The following USP13 variants were observed in gnomAD, a reference collection of about 807,000 sequenced individuals.
USP13 encodes ubiquitin specific peptidase 13, also known as ubiquitin carboxyl-terminal hydrolase 13.
A neutral mutation model predicts 107.8 loss-of-function variants in USP13; 68 were observed. The observed-to-expected ratio is 0.63, with a 90% CI of 0.52 to 0.77. USP13 has a LOEUF of 0.77. Among genes scored for constraint, USP13 ranks in the 30% least tolerant of loss-of-function variants. USP13 has a pLI of 0.00. For synonymous variants in USP13, 377 were observed against 389.5 expected (o/e 0.97, Z 0.38); for missense variants, 945 against 1,093.3 (o/e 0.86, Z 1.91).
chr3:179,763,083 A>G (rs1252549950), intron 17 of USP13, among the ~76,000 whole-genome samples: 2 of 152,144 alleles, frequency 1.3e-5, no homozygotes, highest in Non-Finnish European at 2.9e-5. Context: ...TTATCCTTTT[A>G]TTATTGAGTT....
intron 3 of USP13, among the ~76,000 whole-genome samples, chr3:179,693,312 T>C (rs946294733): frequency 6.6e-6 from 1 of 151,590 alleles, no homozygotes. Context: ...CCACACATGG[T>C]TAATTAAAAA....
rs1057049035 is a variant in USP13, at chr3:179,783,854, G to A, written c.2499-194G>A. On this transcript the variant is annotated intron_variant, in intron 20 of 20. Transcript: ENST00000263966. ...AGCCTGGGGAATAGAATGAGGCCTTGTCTCTTAAAAAAAAAAAAAAAAAGC... is the reference window on the plus strand; with the variant it reads ...AGCCTGGGGAATAGAATGAGGCCTTATCTCTTAAAAAAAAAAAAAAAAAGC... Among the ~76,000 whole-genome samples the A allele has an allele frequency of 1.3e-4, 17 of 131,848 alleles. 1 individual carries two copies. Among genetic ancestry groups the A allele is most frequent in the Admixed American group, 4.5e-4 (6 of 13,402 alleles). 86.5% of individuals were successfully genotyped at this position (131,848 alleles called of 152,430 possible).
chr3:179,763,152 TC>T (rs201077527), intron 17 of USP13, among the ~76,000 whole-genome samples: 17 of 152,172 alleles, frequency 1.1e-4, no homozygotes, highest in South Asian at 2.1e-4. Context: ...ATTTGTGTTT[TC>T]CCCCCCATTC....
In USP13 at chr3:179,653,154, C is replaced by T; in HGVS notation, c.-72C>T. On this transcript the variant is annotated 5_prime_UTR_variant, in exon 1 of 21. Transcript: ENST00000263966. The surrounding 1 kb of genome is among the most constrained non-coding windows in gnomAD (Gnocchi z 4.0). ...GCCCGCCCGTCAGCCCGCTCGCTGGCGCCGCCGCCGCCGGCAGACCCCGCG... is the reference window on the plus strand; with the variant it reads ...GCCCGCCCGTCAGCCCGCTCGCTGGTGCCGCCGCCGCCGGCAGACCCCGCG... 2 of 1,055,920 alleles carry T rather than the reference C, an allele frequency of 1.9e-6. No homozygotes were observed. Among genetic ancestry groups the T allele is most frequent in the Non-Finnish European group, 1.1e-6 (1 of 876,154 alleles). 65.4% of individuals were successfully genotyped at this position (1,055,920 alleles called of 1,614,324 possible).
At chr3:179,663,800 G>A (rs1459721012) in intron 1 of USP13, among the ~76,000 whole-genome samples, 2 of 152,146 alleles carry the variant, frequency 1.3e-5, no homozygotes, top group African/African-American at 4.8e-5. Context: ...GGTGCTCCAT[G>A]CTCTTGCCCC....
chr3:179,761,567 C>CA (rs1715014554), intron 17 of USP13, among the ~76,000 whole-genome samples: 1 of 152,070 alleles, frequency 6.6e-6, no homozygotes, highest in South Asian at 2.1e-4. Context: ...ACTAAAGATA[C>CA]AAAAATTAGC....
chr3:179,674,837 T>G (rs969578597), intron 1 of USP13, among the ~76,000 whole-genome samples: 47 of 152,144 alleles, frequency 3.1e-4, no homozygotes, highest in African/African-American at 1.1e-3. Flanking sequence ...ATATGCCTAC[T>G]TAAGGGGGTT....
At chr3:179,741,422 T>C (rs886126238) in intron 11 of USP13, among the ~76,000 whole-genome samples, 2 of 152,210 alleles carry the variant, frequency 1.3e-5, no homozygotes, top group Non-Finnish European at 2.9e-5. Flanking sequence ...CATGATCTTT[T>C]CTAACTCTGT....
intron 14 of USP13, among the ~76,000 whole-genome samples, chr3:179,752,858 G>A (rs1003477378): frequency 8.5e-5 from 13 of 152,334 alleles, no homozygotes; most frequent in Admixed American, 2.6e-4. Flanking sequence ...TGAGCAGGCA[G>A]GTGTGGCTAA....
In USP13 at chr3:179,653,479, G is replaced by A. The variant is rs1720150564; in HGVS notation, c.168+86G>A. ...GGGAGAAGATGCGCAGTGGCGGCCG[G>A]GACCTCTTCTCTTCCTCCGGGCGGC... On this transcript the variant is annotated intron_variant, in intron 1 of 20. Transcript: ENST00000263966. This position sits in a 1 kb window ranked among gnomAD's most constrained non-coding sequence, Gnocchi z 4.0. 3 of 1,487,908 alleles carry A rather than the reference G, an allele frequency of 2.0e-6. No homozygotes were observed. In the African/African-American group the frequency reaches 4.2e-5, roughly 21 times the overall value. 92.2% of individuals were successfully genotyped at this position (1,487,908 alleles called of 1,614,324 possible).
chr3:179,730,056 A>G, intron 8 of USP13, 133 bp from the exon 9 acceptor site: 2 of 768,430 alleles, frequency 2.6e-6, no homozygotes, highest in South Asian at 1.8e-5. Flanking sequence ...GAATCTCATG[A>G]AAAACTTTTC....
chr3:179,665,980 G>T (rs115565973), intron 1 of USP13, among the ~76,000 whole-genome samples: 2 of 152,174 alleles, frequency 1.3e-5, no homozygotes, highest in African/African-American at 4.8e-5. Context: ...AGTTACTGGC[G>T]TGGACAACTG....
At chr3:179,756,409 CAAA>C (rs922916134) in intron 15 of USP13, among the ~76,000 whole-genome samples, 1 of 115,070 alleles carries the variant, frequency 8.7e-6, no homozygotes, top group Non-Finnish European at 1.8e-5. Context: ...GACCCTGTCT[CAAA>C]AAAACAAACA....
intron 1 of USP13, among the ~76,000 whole-genome samples, chr3:179,657,849 G>A (rs1307177890): frequency 6.6e-6 from 1 of 151,896 alleles, no homozygotes; most frequent in East Asian, 1.9e-4. Context: ...GGTTGTGTAG[G>A]AAGTTTTGTG....
intron 6 of USP13, among the ~76,000 whole-genome samples, chr3:179,715,123 C>T (rs1307614167): frequency 6.6e-6 from 1 of 151,932 alleles, no homozygotes; most frequent in Non-Finnish European, 1.5e-5. Context: ...CTCAAGTGAT[C>T]CTCCTGCCTT....
At chr3:179,713,355 G>A (rs539689716) in intron 6 of USP13, among the ~76,000 whole-genome samples, 89 of 152,302 alleles carry the variant, frequency 5.8e-4, no homozygotes, top group African/African-American at 1.4e-3. Context: ...TTTATGGGAT[G>A]CATACATTCT....
intron 1 of USP13, among the ~76,000 whole-genome samples, chr3:179,655,562 G>GTTTTTTTTTTTT (rs144175090): frequency 8.0e-6 from 1 of 124,806 alleles, no homozygotes; most frequent in African/African-American, 3.5e-5. Context: ...TTTTTGTTTT[G>GTTTTTTTTTTTT]TTTTGTTTTT....
At chr3:179,720,844 T>C (rs1307657252) in intron 7 of USP13, among the ~76,000 whole-genome samples, 1 of 151,940 alleles carries the variant, frequency 6.6e-6, no homozygotes, top group Admixed American at 6.6e-5. Flanking sequence ...GTTTCGCTCT[T>C]GTTGCCCAGG....
chr3:179,730,709 G>T lies in USP13; in HGVS notation c.1254G>T (p.Lys418Asn). 6.2e-7 allele frequency: 1 copy of T among 1,613,854 alleles called. No homozygotes were observed. The highest frequency in any genetic ancestry group is 8.5e-7 in the Non-Finnish European group (1 of 1,179,788). Residue 418 changes from lysine to asparagine, a missense_variant and splice_region_variant, in exon 10 of 21, where the codon AAG becomes AAT. Lys to Asn is a moderately conservative substitution (Grantham distance 94). Transcript: ENST00000263966. Reference sequence around the variant, plus strand: ...AACAGGTGATGAAGGAGGAGCACAAGGTATGTGTCCGAGCGTTTGCCATGT... The same window carrying T: ...AACAGGTGATGAAGGAGGAGCACAATGTATGTGTCCGAGCGTTTGCCATGT... ...LIEQVMKEEH[K>N]PQQNGISPRM... is the part of the protein sequence containing the mutation.
Sources: gnomAD v4.1 joint callset for allele counts (sites outside exome capture counted in the v4.1 genomes callset) on GRCh38, gnomAD v4.1.1 for gene constraint, Gnocchi (gnomAD v3.1) non-coding constraint, MANE v1.5 for transcripts, NCBI Gene and HGNC (gene_info 2026-07-23, HGNC 2026-07-21) for gene names.